Variants in DUS2 observed in about 807,000 individuals in gnomAD.
The protein encoded by DUS2 is dihydrouridine synthase 2.
In DUS2, 52 loss-of-function variants were observed where a neutral mutation model predicts 71.3. That is an observed-to-expected ratio of 0.73 (90% CI 0.58 to 0.92). The LOEUF (loss-of-function observed/expected upper bound fraction) is 0.92, where lower values mean the gene tolerates loss of function less well. DUS2 is among the 40% of genes least tolerant of loss of function. The pLI, the probability that DUS2 is intolerant of heterozygous loss-of-function variation, is 0.00. For synonymous variants in DUS2, 204 were observed against 227.8 expected, an observed-to-expected ratio of 0.90 and a Z score of 0.94; for missense variants, 558 against 622.6, an observed-to-expected ratio of 0.90 and a Z score of 1.10.
chr16:68,070,810 G>A (rs1768577466), intron 11 of DUS2, 130 bp from the exon 12 acceptor site: 2 of 863,502 alleles, frequency 2.3e-6, no homozygotes, highest in African/African-American at 1.7e-5. Flanking sequence ...CTTTACTGAA[G>A]CTCTGATAGC....
rs117735434 is a variant in DUS2 at position 68,054,541 on chromosome 16, G to A, written c.265-33G>A. ...GTCAGTGCATGTGTATCTGTGTCAG[G>A]GCAGTGGTTGATGCAGCCTCTTGTG... On this transcript the variant is annotated intron_variant, in intron 5 of 16. Transcript: ENST00000565263. 47 of 1,613,814 alleles carry A rather than the reference G, an allele frequency of 2.9e-5. No individual in the cohort carries two copies. The East Asian group carries it at 9.8e-4, about 34-fold the overall frequency.
chr16:68,068,584 CTTTTT>C (rs59827856), intron 10 of DUS2, among the ~76,000 whole-genome samples: 2 of 67,258 alleles, frequency 3.0e-5, no homozygotes, highest in Non-Finnish European at 2.8e-5. Flanking sequence ...CTTTCTCTCT[CTTTTT>C]TTTTTTTTTT....
At chr16:68,045,683 AT>A (rs936077195) in intron 3 of DUS2, among the ~76,000 whole-genome samples, 43 of 142,476 alleles carry the variant, frequency 3.0e-4, no homozygotes, top group African/African-American at 1.0e-3. Context: ...CTTTTATTTT[AT>A]TTTTTTTTCT....
rs775584779 is a variant in DUS2 at position 68,075,391 on chromosome 16, C to T, written c.969C>T (p.Thr323=). 5.6e-6 allele frequency: 9 copies of T among 1,613,058 alleles called. No homozygotes were observed. The highest frequency in any genetic ancestry group is 7.6e-6 in the Non-Finnish European group (9 of 1,179,578). Residue 323 remains threonine (T), a synonymous_variant, in exon 14 of 17, where the codon ACC becomes ACT. Coordinates refer to ENST00000565263, the MANE Select transcript of DUS2 (RefSeq NM_017803.5). ...AFGLGAFYEE[T]TQELDAQQAR... The stretch of plus-strand genomic sequence containing the variant: ...GCCTTGGTGCCTTCTATGAGGAGAC[C>T]ACACAGGAGCTGGATGCCCAGCAGG...
At chr16:68,038,373 C>T (rs565918428) in intron 3 of DUS2, among the ~76,000 whole-genome samples, 11 of 152,144 alleles carry the variant, frequency 7.2e-5, no homozygotes, top group African/African-American at 2.2e-4. Flanking sequence ...TACCCTGGGC[C>T]GGGTGGATAG....
chr16:68,064,308 G>C (rs2033978209), intron 8 of DUS2, among the ~76,000 whole-genome samples: 1 of 152,206 alleles, frequency 6.6e-6, no homozygotes, highest in Admixed American at 6.5e-5. Flanking sequence ...AGCCTGGCCA[G>C]AAGACAATCT....
At chr16:68,054,690 C>A in intron 6 of DUS2, 73 bp downstream of exon 6, 1 of 1,558,988 alleles carries the variant, frequency 6.4e-7, no homozygotes, top group Non-Finnish European at 8.9e-7. Flanking sequence ...GTCCTGGTGA[C>A]TTTGTAGGTG....
chr16:68,074,227 A>G, intron 13 of DUS2, 72 bp downstream of exon 13: 1 of 1,583,274 alleles, frequency 6.3e-7, no homozygotes, highest in South Asian at 1.1e-5. Flanking sequence ...CCCTAAGCTG[A>G]CTCCACCAGG....
At chr16:68,076,841 G>A in intron 15 of DUS2, 122 bp downstream of exon 15, 2 of 717,852 alleles carry the variant, frequency 2.8e-6, no homozygotes. Flanking sequence ...AGAAGCTGCT[G>A]GTGGCCAGGT....
At position 68,078,451 on chromosome 16, in the gene DUS2, C is replaced by G; in HGVS notation, c.1177C>G (p.Arg393Gly). The G allele has an allele frequency of 6.2e-7, 1 of 1,613,956 alleles. No homozygotes were observed. Residue 393 changes from arginine (R) to glycine (G), a missense_variant, in exon 16 of 17, where the codon CGC (arginine) becomes GGC (glycine). Transcript: ENST00000565263. Reference protein sequence around the residue: ...LAQPVYETVQRPLDRLFSSIV... With the variant: ...LAQPVYETVQGPLDRLFSSIV... ...CCTTTTCTCTTTGTATCAGGTTCAACGCCCTCTAGATCGCCTGTTCTCCTC... is the reference window on the plus strand; with the variant it reads ...CCTTTTCTCTTTGTATCAGGTTCAAGGCCCTCTAGATCGCCTGTTCTCCTC...
chr16:68,060,856 A>G (rs1297834498), intron 7 of DUS2, among the ~76,000 whole-genome samples: 1 of 152,078 alleles, frequency 6.6e-6, no homozygotes, highest in Non-Finnish European at 1.5e-5. Flanking sequence ...TCAAAAAAAA[A>G]AGAAAAAAAA....
chr16:68,027,157 A>T (rs2033363131), intron 2 of DUS2: 1 of 152,150 alleles, frequency 6.6e-6, no homozygotes, highest in Non-Finnish European at 1.5e-5. Flanking sequence ...CTTTAAATGC[A>T]CTTTGGCTGG....
At chr16:68,028,302 A>C (rs558146544) in intron 2 of DUS2, among the ~76,000 whole-genome samples, 1 of 152,194 alleles carries the variant, frequency 6.6e-6, no homozygotes, top group East Asian at 1.9e-4. Context: ...CCTTGATCTT[A>C]AAAGAGCTAG....
At chr16:68,053,880 C>T (rs552860100) in intron 5 of DUS2, 36 of 505,234 alleles carry the variant, frequency 7.1e-5, no homozygotes, top group Admixed American at 6.1e-4. Context: ...TGTCTCTAGT[C>T]TCAAATTTAA....
intron 15 of DUS2, 24 bp from the exon 16 acceptor site, chr16:68,078,421 T>G: frequency 6.2e-7 from 1 of 1,611,798 alleles, no homozygotes; most frequent in Non-Finnish European, 8.5e-7. Context: ...TCTGGCCATG[T>G]GATTCCTTTT....
chr16:68,062,805 G>A (rs868803066), intron 8 of DUS2, among the ~76,000 whole-genome samples: 5 of 151,572 alleles, frequency 3.3e-5, no homozygotes, highest in Middle Eastern at 6.9e-3. Flanking sequence ...CTGACTCCTA[G>A]TGTCAGCACC....
intron 3 of DUS2, among the ~76,000 whole-genome samples, chr16:68,042,291 C>T (rs935725943): frequency 6.6e-5 from 10 of 152,130 alleles, no homozygotes; most frequent in Admixed American, 6.6e-4. Context: ...TTGCTTCTAT[C>T]TCTTTCAATT....
At chr16:68,046,223 G>A (rs1350499675) in intron 3 of DUS2, among the ~76,000 whole-genome samples, 2 of 151,934 alleles carry the variant, frequency 1.3e-5, no homozygotes, top group Admixed American at 1.3e-4. Flanking sequence ...TGAAGTCTCC[G>A]GTGTCTGTTG....
Position 68,038,084 on chromosome 16 carries a change from C to G in DUS2, c.61C>G (p.Arg21Gly), listed in dbSNP as rs532141248. The G allele has an allele frequency of 3.1e-6, 5 of 1,613,902 alleles. No individual in the cohort carries two copies. The highest frequency in any genetic ancestry group is 2.2e-5 in the East Asian group (1 of 44,860). ...TAAGCTAATCCTGGCCCCAATGGTT[C>G]GGGTAGGGACTCTTCCAATGAGGCT... ...HNKLILAPMV[R>G]VGTLPMRLLA... Residue 21 changes from arginine (R) to glycine (G), a missense_variant, in exon 3 of 17, where the codon CGG becomes GGG. By Grantham distance (125) the Arg-to-Gly change is moderately radical. Transcript: ENST00000565263.
Sources: allele counts gnomAD v4.1 joint callset (sites outside exome capture counted in the v4.1 genomes callset), GRCh38; gene constraint gnomAD v4.1.1; transcripts MANE v1.5; gene names NCBI Gene and HGNC (gene_info 2026-07-23, HGNC 2026-07-21).